Variants in TPO observed in about 807,000 individuals in gnomAD.
TPO encodes the protein thyroid peroxidase.
TPO carries 78 observed loss-of-function variants against 96.9 expected under a neutral mutation model. The ratio of observed to expected loss-of-function variants is 0.81; its 90% CI spans 0.67 to 0.97. TPO has a LOEUF of 0.97. Ranked by LOEUF, TPO falls within the 50% of genes least tolerant of loss-of-function variation. TPO has a pLI of 0.00. For missense variants in TPO, 1,252 were observed against 1,274.8 expected, an observed-to-expected ratio of 0.98 and a Z score of 0.27; for synonymous variants, 547 against 538.0, an observed-to-expected ratio of 1.02 and a Z score of -0.23.
chr2:1,380,208 TAC>T, intron 1 of TPO, among the ~76,000 whole-genome samples: 1 of 152,038 alleles, frequency 6.6e-6, no homozygotes, highest in East Asian at 1.9e-4. Flanking sequence ...TCCTGGCTAA[TAC>T]GGTGAAACCC....
chr2:1,504,501 G>A (rs377715190), intron 14 of TPO, among the ~76,000 whole-genome samples: 3 of 152,348 alleles, frequency 2.0e-5, no homozygotes, highest in East Asian at 3.9e-4. Flanking sequence ...CTGCCTGCCT[G>A]TTCTCCCACC....
intron 13 of TPO, among the ~76,000 whole-genome samples, chr2:1,502,638 C>A (rs1672990039): frequency 6.6e-6 from 1 of 152,166 alleles, no homozygotes; most frequent in Non-Finnish European, 1.5e-5. Context: ...GATCTACCCA[C>A]CTCAGCCTCC....
intron 13 of TPO, among the ~76,000 whole-genome samples, chr2:1,502,680 G>A (rs953445038): frequency 6.6e-6 from 1 of 152,104 alleles, no homozygotes; most frequent in Non-Finnish European, 1.5e-5. Flanking sequence ...ATGAGCCACC[G>A]GACCCGACTT....
intron 7 of TPO, among the ~76,000 whole-genome samples, chr2:1,458,250 A>C (rs1668057013): frequency 6.6e-6 from 1 of 151,922 alleles, no homozygotes; most frequent in Non-Finnish European, 1.5e-5. Context: ...TATAGGATAT[A>C]AGATAGTGTG....
chr2:1,412,451 C>T (rs952745122), upstream of TPO, among the ~76,000 whole-genome samples: 1 of 152,170 alleles, frequency 6.6e-6, no homozygotes, highest in African/African-American at 2.4e-5. Flanking sequence ...CTGATCTCCT[C>T]CCTGCTCTTC....
chr2:1,476,430 G>A (rs187936347), intron 7 of TPO, among the ~76,000 whole-genome samples: 42 of 152,328 alleles, frequency 2.8e-4, no homozygotes, highest in African/African-American at 1.0e-3. Flanking sequence ...TTACAGATGA[G>A]AAGATGGAAG....
chr2:1,443,930 G>C (rs28683616), intron 5 of TPO, among the ~76,000 whole-genome samples: 1 of 124,926 alleles, frequency 8.0e-6, no homozygotes, highest in Non-Finnish European at 1.6e-5. Context: ...GTATGATCCA[G>C]TCATTGCTGC....
At chr2:1,393,292 G>A (rs1662031870) in intron 1 of TPO, among the ~76,000 whole-genome samples, 1 of 152,216 alleles carries the variant, frequency 6.6e-6, no homozygotes, top group Non-Finnish European at 1.5e-5. Flanking sequence ...GGAGGATGCT[G>A]CTAACCCATT....
intron 2 of TPO, among the ~76,000 whole-genome samples, 171 bp from the exon 3 acceptor site, chr2:1,422,874 C>T (rs1385464901): frequency 6.6e-6 from 1 of 152,130 alleles, no homozygotes; most frequent in Non-Finnish European, 1.5e-5. Context: ...CCCTCTGTAG[C>T]GGGGAAGTGA....
intron 1 of TPO, among the ~76,000 whole-genome samples, chr2:1,375,829 A>G (rs1233570409): frequency 6.6e-6 from 1 of 152,134 alleles, no homozygotes; most frequent in Non-Finnish European, 1.5e-5. Flanking sequence ...TTTTTGGGGA[A>G]GCCACCTCCT....
At chr2:1,426,462 T>C (rs915186191) in intron 3 of TPO, among the ~76,000 whole-genome samples, 3 of 152,164 alleles carry the variant, frequency 2.0e-5, no homozygotes, top group Admixed American at 6.5e-5. Context: ...TTGTTCTAGA[T>C]GCCGGGATAC....
chr2:1,463,799 C>T (rs1668655296), intron 7 of TPO, among the ~76,000 whole-genome samples: 1 of 152,212 alleles, frequency 6.6e-6, no homozygotes, highest in Non-Finnish European at 1.5e-5. Context: ...AATGTATCGA[C>T]AACCTCAAAG....
chr2:1,515,730 C>T (rs1414304739), intron 14 of TPO, among the ~76,000 whole-genome samples: 5 of 152,148 alleles, frequency 3.3e-5, no homozygotes, highest in African/African-American at 7.2e-5. Context: ...CACCCACAGA[C>T]GCATTCATCA....
At chr2:1,532,706 TC>T (rs556318120) in intron 15 of TPO, among the ~76,000 whole-genome samples, 1 of 132 alleles carries the variant, frequency 7.6e-3, no homozygotes, top group Non-Finnish European at 0.014. Context: ...CCTCCCCAAA[TC>T]CCCCACTGTG....
intron 2 of TPO, among the ~76,000 whole-genome samples, chr2:1,420,818 G>A (rs28910003): frequency 1.5e-4 from 23 of 152,202 alleles, no homozygotes; most frequent in Admixed American, 4.6e-4. Flanking sequence ...GACTGACAAC[G>A]GCCAGGCAGG....
chr2:1,526,031 C>CA, intron 15 of TPO, among the ~76,000 whole-genome samples: 1 of 142,266 alleles, frequency 7.0e-6, no homozygotes, highest in Non-Finnish European at 1.5e-5. Flanking sequence ...CAAATCCGCC[C>CA]ACTGTGTGCA....
At chr2:1,492,028 A>G (rs2048722) in intron 10 of TPO, among the ~76,000 whole-genome samples, 78,214 of 152,166 alleles carry the variant, frequency 0.51, 20,832 homozygotes, top group African/African-American at 0.66. Context: ...CAGCCAAGGC[A>G]GGTGACTCTA....
intron 14 of TPO, among the ~76,000 whole-genome samples, chr2:1,510,027 T>C (rs956518145): frequency 2.4e-4 from 37 of 152,088 alleles, no homozygotes; most frequent in African/African-American, 8.9e-4. Context: ...TGCACAGCAT[T>C]TCCCCCTCAC....
chr2:1,452,492 A>G (rs1327673206), intron 5 of TPO, among the ~76,000 whole-genome samples: 1 of 152,224 alleles, frequency 6.6e-6, no homozygotes, highest in East Asian at 1.9e-4. Context: ...CCTACATACT[A>G]TAGATGAGAC....
Sources: gnomAD v4.1 joint callset for allele counts (sites outside exome capture counted in the v4.1 genomes callset) on GRCh38, gnomAD v4.1.1 for gene constraint, MANE v1.5 for transcripts, NCBI Gene and HGNC (gene_info 2026-07-23, HGNC 2026-07-21) for gene names.